The following COL22A1 variants were observed in gnomAD, a reference collection of about 807,000 sequenced individuals.
COL22A1 encodes the protein collagen type XXII alpha 1 chain.
COL22A1 carries 221 observed loss-of-function variants against 248.9 expected under a neutral mutation model. The ratio of observed to expected loss-of-function variants is 0.89; its 90% CI spans 0.80 to 0.99. The LOEUF is 0.99. Ranked by LOEUF, COL22A1 falls within the 50% of genes least tolerant of loss-of-function variation. The pLI is 0.00. For synonymous variants in COL22A1, 891 were observed against 793.4 expected (o/e 1.12, Z -2.07); for missense variants, 2,240 against 2,179.0 (o/e 1.03, Z -0.56).
At position 138,870,584 on chromosome 8, in the gene COL22A1, T is replaced by C. The variant is rs562161726; in HGVS notation, c.658+7166A>G. 4.6e-5 allele frequency among the ~76,000 whole-genome samples: 7 copies of C among 151,844 alleles called. No homozygotes were observed. In the South Asian group the frequency reaches 1.5e-3, roughly 32 times the overall value. Reference sequence around the variant, plus strand: ...CGTGTGGTGTGCAGACTGTAAATGGTGTTTGTGCATGTGTTCATGTATGTG... The same window carrying C: ...CGTGTGGTGTGCAGACTGTAAATGGCGTTTGTGCATGTGTTCATGTATGTG... On this transcript the variant is annotated intron_variant, in intron 3 of 64. Coordinates refer to ENST00000303045, the MANE Select transcript of COL22A1 (RefSeq NM_152888.3).
At position 138,601,247 on chromosome 8, in the gene COL22A1, C is replaced by T. The variant is rs1022935769; in HGVS notation, c.4185+868G>A. ...TCCATCGCTCAGGAACCAACAGCCA[C>T]GGGATAGAGGAATCAAAGTCATGGG... On this transcript the variant is annotated intron_variant, in intron 60 of 64. Transcript: ENST00000303045. Among the ~76,000 whole-genome samples the T allele has an allele frequency of 6.6e-5, 10 of 151,928 alleles. No individual in the cohort carries two copies. In the East Asian group the frequency reaches 9.7e-4, roughly 15 times the overall value.
Position 138,676,639 on chromosome 8 carries a change from G to C in COL22A1, c.3073-4C>G. 6.4e-7 allele frequency: 1 copy of C among 1,555,980 alleles called. No individual in the cohort carries two copies. The highest frequency in any genetic ancestry group is 8.7e-7 in the Non-Finnish European group (1 of 1,148,156). ...TCCCAGGAGCTCCTCGATCCCCCTA[G>C]AAAGAGAGAAAAATAAGATCAAGGA... On this transcript the variant is annotated splice_polypyrimidine_tract_variant and splice_region_variant and intron_variant, in intron 40 of 64. Coordinates refer to ENST00000303045, the MANE Select transcript of COL22A1 (RefSeq NM_152888.3).
intron 1 of COL22A1, among the ~76,000 whole-genome samples, chr8:138,910,458 G>A (rs1356127250): frequency 6.6e-6 from 1 of 152,176 alleles, no homozygotes; most frequent in African/African-American, 2.4e-5. Context: ...ACTCAGTTCT[G>A]TCTCAAAATG....
intron 7 of COL22A1, among the ~76,000 whole-genome samples, chr8:138,813,777 C>T (rs1047826051): frequency 3.9e-5 from 6 of 152,098 alleles, no homozygotes; most frequent in East Asian, 1.9e-4. Flanking sequence ...CCCTCCGCTC[C>T]GCACACAGAG....
chr8:138,593,379 TA>T (rs140045499), intron 63 of COL22A1, among the ~76,000 whole-genome samples: 53 of 148,952 alleles, frequency 3.6e-4, no homozygotes, highest in African/African-American at 1.2e-3. Context: ...GAACTTGAAG[TA>T]AATTTTTTTT....
At position 138,715,719 on chromosome 8, in the gene COL22A1, A is replaced by C; in HGVS notation, c.2480T>G (p.Leu827Arg). 6.2e-7 allele frequency: 1 copy of C among 1,612,646 alleles called. No homozygotes were observed. The highest frequency in any genetic ancestry group is 8.5e-7 in the Non-Finnish European group (1 of 1,178,978). Residue 827 changes from leucine (L) to arginine (R), a missense_variant, in exon 30 of 65, where the codon CTG becomes CGG. Physicochemically the swap from Leu to Arg is moderately radical, Grantham distance 102. Coordinates refer to ENST00000303045, the MANE Select transcript of COL22A1 (RefSeq NM_152888.3). Reference protein sequence around the residue: ...EKGDQGEKGELGLPGLKGDRG... With the variant: ...EKGDQGEKGERGLPGLKGDRG... ...GTCACCTTTCAGTCCTGGAAGTCCC[A>C]GTTCACCTTTTTCTCCCTATAATAA... is the stretch of plus-strand genomic sequence containing the variant.
At chr8:138,712,929 A>G (rs1563652695) in intron 30 of COL22A1, among the ~76,000 whole-genome samples, 1 of 152,238 alleles carries the variant, frequency 6.6e-6, no homozygotes, top group Non-Finnish European at 1.5e-5. Context: ...AGCAGAGGGT[A>G]CGTGTTCTAT....
intron 22 of COL22A1, among the ~76,000 whole-genome samples, chr8:138,744,073 G>A (rs1241313839): frequency 6.6e-6 from 1 of 152,170 alleles, no homozygotes; most frequent in Non-Finnish European, 1.5e-5. Context: ...AAAACCCAGG[G>A]TGTCCTGATA....
chr8:138,689,064 CT>C (rs1394498216), intron 36 of COL22A1, 94 bp from the exon 37 acceptor site: 4 of 977,964 alleles, frequency 4.1e-6, no homozygotes, highest in African/African-American at 3.2e-5. Flanking sequence ...TCAGGTCCCC[CT>C]GAAGTCAACG....
intron 12 of COL22A1, among the ~76,000 whole-genome samples, chr8:138,781,698 T>C (rs1441609218): frequency 6.6e-6 from 1 of 152,100 alleles, no homozygotes; most frequent in Non-Finnish European, 1.5e-5. Flanking sequence ...GCAGGGAATT[T>C]TGAAACAGGT....
At chr8:138,591,802 C>T (rs1247783423) in intron 63 of COL22A1, among the ~76,000 whole-genome samples, 2 of 152,124 alleles carry the variant, frequency 1.3e-5, no homozygotes, top group Non-Finnish European at 2.9e-5. Context: ...ACGTATCTAC[C>T]CAATTCCATA....
intron 44 of COL22A1, among the ~76,000 whole-genome samples, chr8:138,657,710 C>A (rs1245741103): frequency 6.6e-6 from 1 of 152,130 alleles, no homozygotes; most frequent in Admixed American, 6.5e-5. Context: ...TGTTGTTGGG[C>A]CCAATGGGCT....
At chr8:138,857,925 G>C (rs1361947668) in intron 3 of COL22A1, among the ~76,000 whole-genome samples, 2 of 152,178 alleles carry the variant, frequency 1.3e-5, no homozygotes, top group African/African-American at 4.8e-5. Context: ...CTGCTGAAGG[G>C]TATAGCTTTG....
chr8:138,646,852 G>A (rs1466178470), intron 46 of COL22A1, among the ~76,000 whole-genome samples, 170 bp from the exon 47 acceptor site: 1 of 152,322 alleles, frequency 6.6e-6, no homozygotes, highest in Middle Eastern at 3.4e-3. Context: ...TAGGCAAGTG[G>A]TAGTACTGAG....
intron 11 of COL22A1, 27 bp downstream of exon 11, chr8:138,802,845 C>T (rs749957262): frequency 1.3e-6 from 2 of 1,597,968 alleles, no homozygotes; most frequent in African/African-American, 1.3e-5. Context: ...GAGGTTCAGC[C>T]ATGTAGAGGA....
intron 62 of COL22A1, among the ~76,000 whole-genome samples, chr8:138,596,468 G>T (rs911346754): frequency 2.0e-5 from 3 of 152,112 alleles, no homozygotes; most frequent in African/African-American, 7.2e-5. Flanking sequence ...CTCTTTTAAT[G>T]CCTGCTGTGA....
Position 138,715,700 on chromosome 8 carries a change from T to A in COL22A1, c.2499A>T (p.Lys833Asn), listed in dbSNP as rs764702446. The change falls in exon 30 of 65, where the codon AAA becomes AAT. Residue 833 changes from lysine (K) to asparagine (N), a missense_variant. Coordinates refer to ENST00000303045, the MANE Select transcript of COL22A1 (RefSeq NM_152888.3). ...EKGELGLPGL[K>N]GDRGEKGEAG... ...CTCCTACCTTTTCACCTCGGTCACCTTTCAGTCCTGGAAGTCCCAGTTCAC... is the reference window on the plus strand; with the variant it reads ...CTCCTACCTTTTCACCTCGGTCACCATTCAGTCCTGGAAGTCCCAGTTCAC... The A allele has an allele frequency of 6.2e-7, 1 of 1,612,388 alleles. No individual in the cohort carries two copies. Among genetic ancestry groups the A allele is most frequent in the South Asian group, 1.1e-5 (1 of 90,794 alleles).
intron 51 of COL22A1, among the ~76,000 whole-genome samples, chr8:138,624,458 T>C (rs185280388): frequency 6.6e-6 from 1 of 151,928 alleles, no homozygotes; most frequent in East Asian, 1.9e-4. Flanking sequence ...CAGATTTCCA[T>C]TGGAAGGAAA....
intron 49 of COL22A1, among the ~76,000 whole-genome samples, chr8:138,633,130 C>T (rs1466169254): frequency 6.6e-6 from 1 of 152,210 alleles, no homozygotes. Context: ...TAAAACAATG[C>T]ATACATGACC....
Sources: allele counts gnomAD v4.1 joint callset (sites outside exome capture counted in the v4.1 genomes callset), GRCh38; gene constraint gnomAD v4.1.1; transcripts MANE v1.5; gene names NCBI Gene and HGNC (gene_info 2026-07-23, HGNC 2026-07-21).